Variants in DNAH17 observed in about 807,000 individuals in gnomAD.
The protein encoded by DNAH17 is axonemal beta dynein heavy chain 17.
DNAH17 carries 376 observed loss-of-function variants against 485.6 expected under a neutral mutation model. That is an observed-to-expected ratio of 0.77 (90% confidence interval 0.71 to 0.84). DNAH17 has a LOEUF of 0.84. Among genes scored for constraint, DNAH17 ranks in the 40% least tolerant of loss-of-function variants. The pLI, the probability that DNAH17 is intolerant of heterozygous loss-of-function variation, is 0.00. For missense variants in DNAH17, 6,370 were observed against 5,839.3 expected, an observed-to-expected ratio of 1.09 and a Z score of -2.96; for synonymous variants, 3,031 against 2,405.9, an observed-to-expected ratio of 1.26 and a Z score of -7.60.
chr17:78,485,306 C>G (rs918692019), intron 47 of DNAH17: 28 of 614,734 alleles, frequency 4.6e-5, no homozygotes, highest in Non-Finnish European at 7.6e-5. Context: ...CCCGGGGGAC[C>G]TGCTGCCTCG....
chr17:78,571,118 C>T, intron 5 of DNAH17, 85 bp from the exon 6 acceptor site: 1 of 1,357,240 alleles, frequency 7.4e-7, no homozygotes, highest in Non-Finnish European at 1.0e-6. Flanking sequence ...TGTGCTGAGA[C>T]CTGCTCCTTC....
Position 78,429,237 on chromosome 17 carries a change from C to A in DNAH17, c.12289G>T (p.Asp4097Tyr), listed in dbSNP as rs1272577396. The change falls in exon 76 of 81, where the codon GAC becomes TAC. Residue 4097 changes from aspartate to tyrosine, a missense_variant. By Grantham distance (160) the Asp-to-Tyr change is radical (BLOSUM62 -3). Transcript: ENST00000389840. ...GTCCTGCACAGCCGACGGTCCCAGTCATCTGTGATGTGGCCGCCATACATG... is the reference window on the plus strand; with the variant it reads ...GTCCTGCACAGCCGACGGTCCCAGTAATCTGTGATGTGGCCGCCATACATG... The part of the protein sequence containing the change: ...EIMYGGHITD[D>Y]WDRRLCRTYL... The A allele has an allele frequency of 1.2e-6, 2 of 1,613,836 alleles. No individual in the cohort carries two copies. Among genetic ancestry groups the A allele is most frequent in the African/African-American group, 2.7e-5 (2 of 74,942 alleles).
intron 43 of DNAH17, 107 bp from the exon 44 acceptor site, chr17:78,490,954 G>C: frequency 7.5e-7 from 1 of 1,327,276 alleles, no homozygotes; most frequent in Non-Finnish European, 1.0e-6. Flanking sequence ...AGGAGGAGGG[G>C]CCCAGGCCAG....
Position 78,574,883 on chromosome 17 carries a change from C to T in DNAH17, c.175G>A (p.Ala59Thr), listed in dbSNP as rs567937042. The T allele has an allele frequency of 6.2e-7, 1 of 1,614,014 alleles. No individual in the cohort carries two copies. The highest frequency in any genetic ancestry group is 8.5e-7 in the Non-Finnish European group (1 of 1,179,890). ...CCCAGGCAGGGTATGATCATGCCGG[C>T]TGCATTGAGCGTCAGCACCAGCACC... ...VQVLVLTLNAAGMIIPCLGFP... is the reference protein window; with the variant it reads ...VQVLVLTLNATGMIIPCLGFP... Residue 59 changes from alanine to threonine, a missense_variant, in exon 2 of 81, where the codon GCC (alanine) becomes ACC (threonine). Ala to Thr is a moderately conservative substitution (Grantham distance 58). Transcript: ENST00000389840.
Position 78,502,573 on chromosome 17 carries a change from T to C in DNAH17, c.5190+18A>G, listed in dbSNP as rs1275913657. 2 of 1,605,942 alleles carry C rather than the reference T, an allele frequency of 1.2e-6. No homozygotes were observed. The highest frequency in any genetic ancestry group is 1.7e-6 in the Non-Finnish European group (2 of 1,175,942). On this transcript the variant is annotated intron_variant, in intron 33 of 80. Coordinates refer to ENST00000389840, the MANE Select transcript of DNAH17 (RefSeq NM_173628.4). The stretch of plus-strand genomic sequence containing the variant: ...AACAAGTTTTAAAAACGTAACTAAC[T>C]ACACACTAGTAACACACCTGCTTTT...
chr17:78,459,956 C>G lies in DNAH17; in HGVS notation c.9481G>C (p.Val3161Leu), dbSNP rs773768616. Residue 3161 changes from valine (V) to leucine (L), a missense_variant, in exon 60 of 81, where the codon GTG (valine) becomes CTG (leucine). Physicochemically the swap from Val to Leu is conservative, Grantham distance 32 (BLOSUM62 1). Transcript: ENST00000389840. ...ATGACGGCGGCGGTGACGTTGACCA[C>G]AGCATCCGGCGGGGACCCAAAGGAC... Reference protein sequence around the residue: ...LKSFGSPPDAVVNVTAAVMIL... With the variant: ...LKSFGSPPDALVNVTAAVMIL... 6.2e-7 allele frequency: 1 copy of G among 1,613,540 alleles called. No individual in the cohort carries two copies. Among genetic ancestry groups the G allele is most frequent in the South Asian group, 1.1e-5 (1 of 91,074 alleles).
intron 22 of DNAH17, among the ~76,000 whole-genome samples, chr17:78,527,507 T>TTGTGGG (rs376997746): frequency 0.017 from 2,562 of 152,266 alleles, 35 homozygotes; most frequent in Middle Eastern, 0.034. Context: ...CTGAATCCAT[T>TTGTGGG]TGTGGGTGTG....
rs192601026 is a variant in DNAH17, at chr17:78,438,299, G to A, written c.11806-431C>T. Among the ~76,000 whole-genome samples the A allele has an allele frequency of 1.8e-3, 270 of 149,790 alleles. 1 individual carries two copies. The highest frequency in any genetic ancestry group is 3.1e-3 in the Admixed American group (46 of 14,956). On this transcript the variant is annotated intron_variant, in intron 73 of 80. Coordinates refer to ENST00000389840, the MANE Select transcript of DNAH17 (RefSeq NM_173628.4). ...GGCCCAGAGGCGCTCGAGGACAAGC[G>A]GTAGTGAGAAGGGGTCTTGGATGGG... is the stretch of plus-strand genomic sequence containing the variant.
In DNAH17 at chr17:78,480,050, A is replaced by AT. The variant is rs1568122422; in HGVS notation, c.7753-419_7753-418insA. Among the ~76,000 whole-genome samples, 3 of 34,446 alleles carry AT rather than the reference A, an allele frequency of 8.7e-5. 1 individual carries two copies. The highest frequency in any genetic ancestry group is 6.5e-4 in the Admixed American group (2 of 3,060). 22.6% of individuals were successfully genotyped at this position (34,446 alleles called of 152,430 possible). On this transcript the variant is annotated intron_variant, in intron 49 of 80. Transcript: ENST00000389840. Reference sequence around the variant, plus strand: ...TTTTTTTTTTTTTTTTTTTTTTTTTAAAAAAAGTATGTCCCAGGCCGGGCA... The same window carrying AT: ...TTTTTTTTTTTTTTTTTTTTTTTTTATAAAAAAGTATGTCCCAGGCCGGGCA...
chr17:78,530,338 C>T lies in DNAH17; in HGVS notation c.3284+5G>A, dbSNP rs200817187. ...GGCTCCCCGAGTACATGGCTGGGGA[C>T]CCACCTGTTGGTGACGTGGTTGCTC... On this transcript the variant is annotated splice_donor_5th_base_variant and intron_variant, in intron 21 of 80. Coordinates refer to ENST00000389840, the MANE Select transcript of DNAH17 (RefSeq NM_173628.4). The T allele has an allele frequency of 1.2e-6, 2 of 1,603,546 alleles. No homozygotes were observed. The highest frequency in any genetic ancestry group is 2.7e-5 in the African/African-American group (2 of 74,768).
chr17:78,481,906 T>G (rs558807083), intron 48 of DNAH17, among the ~76,000 whole-genome samples: 4 of 152,048 alleles, frequency 2.6e-5, no homozygotes, highest in African/African-American at 9.7e-5. Flanking sequence ...TCCCAGCTAC[T>G]TGGGAGGCTG....
chr17:78,431,187 T>C (rs1006271876), intron 75 of DNAH17, among the ~76,000 whole-genome samples: 1 of 8,118 alleles, frequency 1.2e-4, no homozygotes, highest in Non-Finnish European at 8.3e-3. Flanking sequence ...CTTAGTCTCA[T>C]GACTTTTTTA....
At chr17:78,530,074 C>A (rs1436848438) in intron 21 of DNAH17, among the ~76,000 whole-genome samples, 1 of 152,248 alleles carries the variant, frequency 6.6e-6, no homozygotes, top group Non-Finnish European at 1.5e-5. Context: ...CGCCAGCCTT[C>A]CCTGACAGAC....
At chr17:78,523,983 C>T (rs903028446) in intron 25 of DNAH17, among the ~76,000 whole-genome samples, 3 of 152,106 alleles carry the variant, frequency 2.0e-5, no homozygotes, top group African/African-American at 7.2e-5. Context: ...CAAATGAAAC[C>T]ACAAAATCTT....
chr17:78,492,456 C>T (rs1048158610), intron 42 of DNAH17, among the ~76,000 whole-genome samples, 177 bp downstream of exon 42: 14 of 152,310 alleles, frequency 9.2e-5, no homozygotes, highest in African/African-American at 3.4e-4. Flanking sequence ...CCGGGTGCTA[C>T]GTGCCCACTG....
chr17:78,445,869 C>A (rs944740765), intron 69 of DNAH17, among the ~76,000 whole-genome samples, 189 bp from the exon 70 acceptor site: 5 of 152,090 alleles, frequency 3.3e-5, no homozygotes, highest in Non-Finnish European at 5.9e-5. Flanking sequence ...AATACACATA[C>A]CATAAAATTG....
intron 27 of DNAH17, 136 bp from the exon 28 acceptor site, chr17:78,507,941 G>A: frequency 1.3e-6 from 1 of 776,506 alleles, no homozygotes. Flanking sequence ...ATTCACAGGA[G>A]CCAAAGGCAG....
chr17:78,476,959 T>G (rs1184002454), intron 51 of DNAH17, among the ~76,000 whole-genome samples: 2 of 152,102 alleles, frequency 1.3e-5, no homozygotes, highest in Non-Finnish European at 2.9e-5. Flanking sequence ...GTTTTCCTCA[T>G]AGGACAGGGT....
intron 1 of DNAH17, among the ~76,000 whole-genome samples, chr17:78,575,848 T>C (rs1198342856): frequency 6.6e-6 from 1 of 152,226 alleles, no homozygotes; most frequent in Non-Finnish European, 1.5e-5. Flanking sequence ...CATGTCAATA[T>C]TTTTAAACAT....
Sources: gnomAD v4.1 joint callset for allele counts (sites outside exome capture counted in the v4.1 genomes callset) on GRCh38, gnomAD v4.1.1 for gene constraint, MANE v1.5 for transcripts, NCBI Gene and HGNC (gene_info 2026-07-23, HGNC 2026-07-21) for gene names.